FRMD4B: variants seen among roughly 807,000 people sequenced by gnomAD.
FRMD4B encodes the protein FERM domain containing 4B.
A neutral mutation model predicts 141.5 loss-of-function variants in FRMD4B; 74 were observed. The observed-to-expected ratio is 0.52, with a 90% CI of 0.43 to 0.63. The LOEUF (loss-of-function observed/expected upper bound fraction) is 0.63. FRMD4B is among the 30% of genes least tolerant of loss of function. The pLI is 0.00. For synonymous variants in FRMD4B, 506 were observed against 467.9 expected (o/e 1.08, Z -1.05); for missense variants, 1,366 against 1,253.4 (o/e 1.09, Z -1.36).
At chr3:69,184,859 A>G (rs575417264) in intron 19 of FRMD4B, among the ~76,000 whole-genome samples, 3 of 152,280 alleles carry the variant, frequency 2.0e-5, no homozygotes, top group African/African-American at 4.8e-5. Context: ...GAGGAACCAA[A>G]TTTTAAATTT....
At chr3:69,235,243 T>C (rs1305475426) in intron 7 of FRMD4B, among the ~76,000 whole-genome samples, 1 of 151,552 alleles carries the variant, frequency 6.6e-6, no homozygotes, top group African/African-American at 2.4e-5. Context: ...ATTGTAGAGA[T>C]GGTCAGGGAG....
chr3:69,459,984 T>C (rs1490503018), intron 1 of FRMD4B, among the ~76,000 whole-genome samples: 1 of 152,244 alleles, frequency 6.6e-6, no homozygotes, highest in Non-Finnish European at 1.5e-5. Context: ...AAATGCCCAG[T>C]GCCTGGCATT....
chr3:69,212,252 C>T (rs1200351080), intron 11 of FRMD4B, among the ~76,000 whole-genome samples: 3 of 145,948 alleles, frequency 2.1e-5, no homozygotes, highest in East Asian at 4.2e-4. Context: ...CCCAGCTTCT[C>T]GGGAGGCTGA....
intron 1 of FRMD4B, among the ~76,000 whole-genome samples, chr3:69,324,239 C>T (rs757230486): frequency 2.6e-5 from 4 of 152,184 alleles, no homozygotes; most frequent in Non-Finnish European, 5.9e-5. Context: ...AGTTATGTGG[C>T]CTCCTGGACC....
chr3:69,443,677 A>C (rs1003030231), intron 1 of FRMD4B, among the ~76,000 whole-genome samples: 1 of 152,230 alleles, frequency 6.6e-6, no homozygotes, highest in African/African-American at 2.4e-5. Context: ...TGCTTCCAGC[A>C]ACACACACTT....
intron 1 of FRMD4B, among the ~76,000 whole-genome samples, chr3:69,473,924 G>C (rs1051620373): frequency 5.3e-5 from 8 of 152,216 alleles, no homozygotes; most frequent in African/African-American, 1.9e-4. Context: ...TTTGCGCTTA[G>C]GCTGCCCAGG....
At chr3:69,475,505 T>C (rs556681465) in intron 1 of FRMD4B, among the ~76,000 whole-genome samples, 1 of 152,206 alleles carries the variant, frequency 6.6e-6, no homozygotes, top group South Asian at 2.1e-4. Flanking sequence ...TGATTTCCAA[T>C]TTCATCCATG....
At position 69,269,222 on chromosome 3, in the gene FRMD4B, C is replaced by T. The variant is rs1394005678; in HGVS notation, c.501+18530G>A. 1.3e-5 allele frequency among the ~76,000 whole-genome samples: 2 copies of T among 151,748 alleles called. 1 individual carries two copies. The highest frequency in any genetic ancestry group is 6.3e-3 in the Middle Eastern group (2 of 316). On this transcript the variant is annotated intron_variant, in intron 5 of 22. Coordinates refer to ENST00000398540, the MANE Select transcript of FRMD4B (RefSeq NM_015123.3). ...GGGATTACAGGCGTTAGCCACTGTG[C>T]CTGGCAGATGAGAACATTTTATAAC...
intron 1 of FRMD4B, among the ~76,000 whole-genome samples, chr3:69,331,866 G>A (rs1360506477): frequency 3.3e-5 from 5 of 152,134 alleles, no homozygotes; most frequent in African/African-American, 1.2e-4. Context: ...GAGGTGGGTG[G>A]ATCAAGAGGT....
chr3:69,343,584 T>TTTG (rs1559818234), intron 1 of FRMD4B, among the ~76,000 whole-genome samples: 3 of 148,126 alleles, frequency 2.0e-5, no homozygotes, highest in Non-Finnish European at 3.0e-5. Flanking sequence ...TTTGTTTTTT[T>TTTG]TTTTTTTTTT....
At chr3:69,456,870 T>C (rs1442829518) in intron 1 of FRMD4B, among the ~76,000 whole-genome samples, 1 of 152,194 alleles carries the variant, frequency 6.6e-6, no homozygotes, top group African/African-American at 2.4e-5. Flanking sequence ...ATGTTGTCTA[T>C]GGCTGCTTTC....
At chr3:69,274,137 C>G (rs371093393) in intron 5 of FRMD4B, among the ~76,000 whole-genome samples, 3 of 152,154 alleles carry the variant, frequency 2.0e-5, no homozygotes, top group South Asian at 2.1e-4. Context: ...TGCAAAGAGC[C>G]TAGAGTGATA....
chr3:69,467,394 T>G (rs1388619082), intron 1 of FRMD4B, among the ~76,000 whole-genome samples: 1 of 152,150 alleles, frequency 6.6e-6, no homozygotes, highest in Non-Finnish European at 1.5e-5. Flanking sequence ...CATCACACAG[T>G]CTTCTAGAGT....
chr3:69,396,420 G>A (rs189004758), intron 2 of FRMD4B, among the ~76,000 whole-genome samples: 144 of 152,086 alleles, frequency 9.5e-4, no homozygotes, highest in African/African-American at 2.6e-3. Context: ...CAGGAGAATC[G>A]TTTGAACCCA....
intron 1 of FRMD4B, among the ~76,000 whole-genome samples, chr3:69,455,816 G>A (rs1416336632): frequency 2.6e-5 from 4 of 152,106 alleles, no homozygotes; most frequent in Non-Finnish European, 5.9e-5. Context: ...TAAACATTGT[G>A]CTGGCTCCCA....
At chr3:69,491,994 CG>C (rs1706307447) in intron 1 of FRMD4B, among the ~76,000 whole-genome samples, 1 of 152,218 alleles carries the variant, frequency 6.6e-6, no homozygotes, top group Non-Finnish European at 1.5e-5. Context: ...GCCGTACCCC[CG>C]CAAGTACCAA....
chr3:69,381,138 G>A (rs1412531831), intron 1 of FRMD4B, among the ~76,000 whole-genome samples: 2 of 152,326 alleles, frequency 1.3e-5, no homozygotes, highest in Non-Finnish European at 2.9e-5. Flanking sequence ...CAGCCTCAAT[G>A]CAGCCTGAGC....
intron 1 of FRMD4B, among the ~76,000 whole-genome samples, chr3:69,359,394 G>A (rs1703411542): frequency 6.6e-6 from 1 of 152,140 alleles, no homozygotes; most frequent in African/African-American, 2.4e-5. Context: ...TATTTTGAAT[G>A]AATAGAACTT....
intron 1 of FRMD4B, among the ~76,000 whole-genome samples, chr3:69,459,876 GT>G (rs1705684070): frequency 6.6e-6 from 1 of 152,102 alleles, no homozygotes; most frequent in African/African-American, 2.4e-5. Flanking sequence ...GCAACTGTAG[GT>G]GTCTCTATCT....
Sources: gnomAD v4.1 joint callset for allele counts (sites outside exome capture counted in the v4.1 genomes callset) on GRCh38, gnomAD v4.1.1 for gene constraint, MANE v1.5 for transcripts, NCBI Gene and HGNC (gene_info 2026-07-23, HGNC 2026-07-21) for gene names.